The following AGAP1 variants were observed in gnomAD, a reference collection of about 807,000 sequenced individuals.
AGAP1 encodes ArfGAP with GTPase domain, ankyrin repeat and PH domain 1.
A neutral mutation model predicts 105.3 loss-of-function variants in AGAP1; 29 were observed. The ratio of observed to expected loss-of-function variants is 0.28; its 90% CI spans 0.21 to 0.38. The LOEUF (loss-of-function observed/expected upper bound fraction) is 0.38, where lower values mean the gene tolerates loss of function less well. Among genes scored for constraint, AGAP1 ranks in the 10% least tolerant of loss-of-function variants. The pLI is 1.00. For synonymous variants in AGAP1, 509 were observed against 485.9 expected (o/e 1.05, Z -0.63); for missense variants, 998 against 1,165.1 (o/e 0.86, Z 2.09).
chr2:235,944,293 C>T (rs2053395587), intron 12 of AGAP1, among the ~76,000 whole-genome samples: 1 of 152,174 alleles, frequency 6.6e-6, no homozygotes, highest in South Asian at 2.1e-4. Flanking sequence ...GGTCATAGTT[C>T]AAGAATTCAG....
chr2:235,961,067 C>G lies in AGAP1; in HGVS notation c.1484-7395C>G, dbSNP rs1313973737. On this transcript the variant is annotated intron_variant, in intron 12 of 17. Coordinates refer to ENST00000304032, the MANE Select transcript of AGAP1 (RefSeq NM_001037131.3). The surrounding 1 kb of genome is among the most constrained non-coding windows in gnomAD (Gnocchi z 5.9). ...CCCATTACTCATCCTGAATCTGTTT[C>G]AGGAAGGATGTGTGCTGGTGAAGAG... Among the ~76,000 whole-genome samples, 1 of 152,158 alleles carries G rather than the reference C, an allele frequency of 6.6e-6. No homozygotes were observed. Among genetic ancestry groups the G allele is most frequent in the African/African-American group, 2.4e-5 (1 of 41,428 alleles).
intron 11 of AGAP1, among the ~76,000 whole-genome samples, chr2:235,915,655 C>A (rs971319279): frequency 2.6e-5 from 4 of 151,910 alleles, no homozygotes; most frequent in Admixed American, 1.3e-4. Flanking sequence ...GCCTGGGCAA[C>A]AGAGTGAGGC....
intron 1 of AGAP1, among the ~76,000 whole-genome samples, chr2:235,629,738 C>T (rs1270747747): frequency 2.0e-5 from 3 of 150,818 alleles, no homozygotes; most frequent in African/African-American, 7.3e-5. Context: ...AATAGCTGGA[C>T]GTGGTGGCGT....
Position 236,040,889 on chromosome 2 carries a change from C to A in AGAP1, c.1891+48C>A. The A allele has an allele frequency of 6.3e-7, 1 of 1,591,164 alleles. No individual in the cohort carries two copies. The highest frequency in any genetic ancestry group is 8.6e-7 in the Non-Finnish European group (1 of 1,159,952). On this transcript the variant is annotated intron_variant, in intron 15 of 17. Transcript: ENST00000304032. The surrounding 1 kb of genome is among the most constrained non-coding windows in gnomAD (Gnocchi z 5.6). ...GGGGCTGGCGCTGTGTAGCTGGAGACCACATGGTCCCACTAGGCCCGGGTT... is the reference window on the plus strand; with the variant it reads ...GGGGCTGGCGCTGTGTAGCTGGAGAACACATGGTCCCACTAGGCCCGGGTT...
At chr2:236,088,753 G>A (rs1048525160) in intron 16 of AGAP1, among the ~76,000 whole-genome samples, 2 of 152,210 alleles carry the variant, frequency 1.3e-5, no homozygotes, top group African/African-American at 4.8e-5. Flanking sequence ...AATTGCAGCA[G>A]TTTATGCCAC....
chr2:235,549,015 C>T lies in AGAP1; in HGVS notation c.163+54166C>T, dbSNP rs1401399071. ...GCCCTGCTTTGCTTGCAAGGTGGTC[C>T]GAGCCTGGGTGGAAAGCACTGCAGG... On this transcript the variant is annotated intron_variant, in intron 1 of 17. Transcript: ENST00000304032. This position sits in a 1 kb window ranked among gnomAD's most constrained non-coding sequence, Gnocchi z 4.2. 6.6e-6 allele frequency among the ~76,000 whole-genome samples: 1 copy of T among 152,144 alleles called. No individual in the cohort carries two copies. The highest frequency in any genetic ancestry group is 1.5e-5 in the Non-Finnish European group (1 of 68,042).
chr2:235,547,221 G>A (rs1431679341), intron 1 of AGAP1, among the ~76,000 whole-genome samples: 1 of 152,132 alleles, frequency 6.6e-6, no homozygotes, highest in African/African-American at 2.4e-5. Flanking sequence ...CACGTCCAGA[G>A]TTACACACTT....
Position 236,014,890 on chromosome 2 carries a change from C to A in AGAP1, c.1646-21671C>A, listed in dbSNP as rs770849397. On this transcript the variant is annotated intron_variant, in intron 13 of 17. Transcript: ENST00000304032. This position sits in a 1 kb window ranked among gnomAD's most constrained non-coding sequence, Gnocchi z 6.3. The stretch of plus-strand genomic sequence containing the variant: ...GCACCAACACTGAAGGTAACGCCTC[C>A]GCACCTCCACCCGCCCACACCTCCA... 65 of 411,438 alleles carry A rather than the reference C, an allele frequency of 1.6e-4. 1 individual carries two copies. The highest frequency in any genetic ancestry group is 1.1e-3 in the Middle Eastern group (3 of 2,706). The allele number at this position is 411,438 out of a possible 1,614,324, so 25.5% of individuals were successfully genotyped here. A position where few individuals can be genotyped will look rare whatever the true frequency, so the allele number is the denominator to read the frequency against.
intron 9 of AGAP1, among the ~76,000 whole-genome samples, chr2:235,828,096 C>T (rs1959166508): frequency 6.6e-6 from 1 of 152,310 alleles, no homozygotes; most frequent in African/African-American, 2.4e-5. Context: ...TTTTGGTTTC[C>T]TGGGGACAAA....
Position 236,002,514 on chromosome 2 carries a change from T to A in AGAP1, c.1645+33891T>A, listed in dbSNP as rs961008690. 2.6e-5 allele frequency among the ~76,000 whole-genome samples: 4 copies of A among 152,164 alleles called. No homozygotes were observed. Among genetic ancestry groups the A allele is most frequent in the Non-Finnish European group, 4.4e-5 (3 of 68,026 alleles). ...GACATGAAACAAATATGTTAACAAG[T>A]AATGTTGCTCCCTCTCATGAGGGGG... is the stretch of plus-strand genomic sequence containing the variant. On this transcript the variant is annotated intron_variant, in intron 13 of 17. Coordinates refer to ENST00000304032, the MANE Select transcript of AGAP1 (RefSeq NM_001037131.3). The surrounding 1 kb of genome is among the most constrained non-coding windows in gnomAD (Gnocchi z 4.3).
At chr2:236,069,625 T>C (rs2058445509) in intron 16 of AGAP1, among the ~76,000 whole-genome samples, 1 of 151,460 alleles carries the variant, frequency 6.6e-6, no homozygotes, top group African/African-American at 2.4e-5. Flanking sequence ...GGTTTCACCA[T>C]GTTGGCCAGG....
chr2:235,829,934 A>G (rs1466910410), intron 9 of AGAP1, among the ~76,000 whole-genome samples: 3 of 152,136 alleles, frequency 2.0e-5, no homozygotes, highest in African/African-American at 4.8e-5. Flanking sequence ...GGAAGTGACA[A>G]GTAGTCTCTG....
intron 1 of AGAP1, among the ~76,000 whole-genome samples, chr2:235,628,713 A>T (rs1946722673): frequency 6.6e-6 from 1 of 151,826 alleles, no homozygotes. Flanking sequence ...ATTCTGGTGC[A>T]CCCATCACCC....
intron 9 of AGAP1, among the ~76,000 whole-genome samples, chr2:235,826,270 T>C (rs1433727977): frequency 6.6e-6 from 1 of 152,222 alleles, no homozygotes; most frequent in African/African-American, 2.4e-5. Context: ...CATGGCTTAT[T>C]AAGGGCCCCA....
At chr2:235,814,218 G>C (rs1958323636) in intron 9 of AGAP1, among the ~76,000 whole-genome samples, 1 of 152,206 alleles carries the variant, frequency 6.6e-6, no homozygotes, top group Non-Finnish European at 1.5e-5. Flanking sequence ...CGGAGCTCTT[G>C]CCAGGGAGCC....
chr2:235,509,959 C>T (rs753081357), intron 1 of AGAP1, among the ~76,000 whole-genome samples: 12 of 151,974 alleles, frequency 7.9e-5, no homozygotes, highest in Admixed American at 2.6e-4. Context: ...TTCTCATAAG[C>T]GCACAAACCC....
chr2:236,032,483 G>A (rs2057254265), intron 13 of AGAP1, among the ~76,000 whole-genome samples: 1 of 152,098 alleles, frequency 6.6e-6, no homozygotes. Context: ...GAAAGAGGGG[G>A]GTCAGTGAGA....
At position 236,055,863 on chromosome 2, in the gene AGAP1, A is replaced by G. The variant is rs1458577492; in HGVS notation, c.2114+6582A>G. ...ACCATAACTCACTTAGCCACCCTTC[A>G]TGACTGGATGGTCCTCATTAGCACA... On this transcript the variant is annotated intron_variant, in intron 16 of 17. Transcript: ENST00000304032. This position sits in a 1 kb window ranked among gnomAD's most constrained non-coding sequence, Gnocchi z 6.2. Among the ~76,000 whole-genome samples, 3 of 152,240 alleles carry G rather than the reference A, an allele frequency of 2.0e-5. No individual in the cohort carries two copies. The highest frequency in any genetic ancestry group is 4.4e-5 in the Non-Finnish European group (3 of 68,048).
intron 1 of AGAP1, among the ~76,000 whole-genome samples, chr2:235,590,340 C>T (rs1945283908): frequency 6.6e-6 from 1 of 152,318 alleles, no homozygotes; most frequent in East Asian, 1.9e-4. Flanking sequence ...CCTTTAGGTG[C>T]CTATCCTTTT....
Sources: allele counts gnomAD v4.1 joint callset (sites outside exome capture counted in the v4.1 genomes callset), GRCh38; gene constraint gnomAD v4.1.1; non-coding constraint Gnocchi (gnomAD v3.1); transcripts MANE v1.5; gene names NCBI Gene and HGNC (gene_info 2026-07-23, HGNC 2026-07-21).